ADAMDEC1: variants seen among roughly 807,000 people sequenced by gnomAD.
The protein encoded by ADAMDEC1 is ADAM like decysin 1, also known as ADAM DEC1.
A neutral mutation model predicts 60.4 loss-of-function variants in ADAMDEC1; 62 were observed. That is an observed-to-expected ratio of 1.03 (90% CI 0.84 to 1.27). ADAMDEC1 has a LOEUF of 1.27. ADAMDEC1 is among the 50% of genes most tolerant of loss of function. The pLI, the probability that ADAMDEC1 is intolerant of heterozygous loss-of-function variation, is 0.00. For missense variants in ADAMDEC1, 595 were observed against 565.0 expected, an observed-to-expected ratio of 1.05 and a Z score of -0.54; for synonymous variants, 210 against 195.1, an observed-to-expected ratio of 1.08 and a Z score of -0.64.
At chr8:24,403,102 A>G (rs1334641715) in intron 12 of ADAMDEC1, among the ~76,000 whole-genome samples, 3 of 152,118 alleles carry the variant, frequency 2.0e-5, no homozygotes, top group African/African-American at 7.2e-5. Context: ...AGAGAGGACC[A>G]TTGTATACAC....
intron 9 of ADAMDEC1, 107 bp downstream of exon 9, chr8:24,399,147 T>A: frequency 7.7e-7 from 1 of 1,305,148 alleles, no homozygotes; most frequent in Non-Finnish European, 1.0e-6. Flanking sequence ...ACTGTCAGAG[T>A]GCTTGACATT....
chr8:24,389,077 C>A (rs1261297067), intron 1 of ADAMDEC1, among the ~76,000 whole-genome samples: 1 of 152,076 alleles, frequency 6.6e-6, no homozygotes, highest in Non-Finnish European at 1.5e-5. Flanking sequence ...TGAGAAGTAC[C>A]TGCTCTTACA....
At chr8:24,390,156 G>C (rs1307593995) in intron 1 of ADAMDEC1, 13 of 931,200 alleles carry the variant, frequency 1.4e-5, no homozygotes, top group Middle Eastern at 2.5e-4. Flanking sequence ...CCTAAAGTCA[G>C]CATTCAATAA....
At chr8:24,403,603 G>C (rs749763119) in intron 12 of ADAMDEC1, among the ~76,000 whole-genome samples, 47 of 152,036 alleles carry the variant, frequency 3.1e-4, no homozygotes, top group Non-Finnish European at 5.4e-4. Flanking sequence ...TGTCTTAAAA[G>C]ACAAGTTGCC....
At chr8:24,395,964 T>C (rs1563355046) in intron 5 of ADAMDEC1, among the ~76,000 whole-genome samples, 168 bp downstream of exon 5, 1 of 152,176 alleles carries the variant, frequency 6.6e-6, no homozygotes, top group Non-Finnish European at 1.5e-5. Context: ...AATCATTTCA[T>C]AATCTGCTGC....
rs1817463390 is a variant in ADAMDEC1 at position 24,392,245 on chromosome 8, T to C, written c.89-17T>C. ...ACCTTTAAATCTTTTATGTGAATAT[T>C]ATTTCTCTTTCTCTAGCAATAGCCA... On this transcript the variant is annotated splice_polypyrimidine_tract_variant and intron_variant, in intron 1 of 13. Transcript: ENST00000256412. 1.3e-6 allele frequency: 2 copies of C among 1,548,924 alleles called. No homozygotes were observed. The highest frequency in any genetic ancestry group is 3.7e-5 in the Admixed American group (2 of 53,724).
chr8:24,397,751 T>C lies in ADAMDEC1; in HGVS notation c.690+6T>C, dbSNP rs776961427. 1.2e-6 allele frequency: 2 copies of C among 1,611,752 alleles called. No homozygotes were observed. The highest frequency in any genetic ancestry group is 1.7e-5 in the Admixed American group (1 of 59,680). On this transcript the variant is annotated splice_donor_region_variant and intron_variant, in intron 7 of 13. Transcript: ENST00000256412. ...TGGTGCTGGATAATGCCTTTGTGAG[T>C]ATGAAACACACGGCCCTCTCGGCCA... is the stretch of plus-strand genomic sequence containing the variant.
chr8:24,395,653 T>TAC (rs1274450014), intron 4 of ADAMDEC1, 67 bp from the exon 5 acceptor site: 1 of 1,042,470 alleles, frequency 9.6e-7, no homozygotes, highest in Non-Finnish European at 1.5e-6. Context: ...GTTTATACAT[T>TAC]ACACACACAC....
chr8:24,390,632 A>G (rs1303023806), intron 1 of ADAMDEC1, among the ~76,000 whole-genome samples: 2 of 152,168 alleles, frequency 1.3e-5, no homozygotes, highest in Non-Finnish European at 2.9e-5. Context: ...AGGCAGGAGA[A>G]TCGTTTGAAC....
intron 1 of ADAMDEC1, 64 bp downstream of exon 1, chr8:24,384,656 C>A: frequency 7.0e-7 from 1 of 1,424,372 alleles, no homozygotes; most frequent in Non-Finnish European, 9.6e-7. Flanking sequence ...TTTAAAGTGC[C>A]TTTTGAAAAA....
At chr8:24,390,134 A>T (rs1169130949) in intron 1 of ADAMDEC1, 1 of 673,708 alleles carries the variant, frequency 1.5e-6, no homozygotes, top group East Asian at 6.5e-5. Context: ...GACAGCCTCA[A>T]ACTGTGCGTG....
rs749478062 is a variant in ADAMDEC1 at position 24,405,322 on chromosome 8, A to G, written c.*24A>G. 1 of 1,612,292 alleles carries G rather than the reference A, an allele frequency of 6.2e-7. No individual in the cohort carries two copies. The highest frequency in any genetic ancestry group is 1.7e-5 in the Admixed American group (1 of 59,910). Reference sequence around the variant, plus strand: ...GAATCCAAAAGTCTGCTTCACTGAGATGCTACCTTGCCAGGACAAGAACCA... The same window carrying G: ...GAATCCAAAAGTCTGCTTCACTGAGGTGCTACCTTGCCAGGACAAGAACCA... On this transcript the variant is annotated 3_prime_UTR_variant, in exon 14 of 14. Transcript: ENST00000256412.
chr8:24,400,910 G>C (rs1465793711), intron 11 of ADAMDEC1, among the ~76,000 whole-genome samples: 2 of 150,970 alleles, frequency 1.3e-5, no homozygotes, highest in Non-Finnish European at 2.9e-5. Flanking sequence ...CCTCACGATA[G>C]TTTGCTCAGA....
At chr8:24,400,400 T>C in intron 11 of ADAMDEC1, 100 bp downstream of exon 11, 1 of 1,269,408 alleles carries the variant, frequency 7.9e-7, no homozygotes, top group Non-Finnish European at 1.1e-6. Flanking sequence ...ATATTAGATC[T>C]TGTGTTGTTC....
Position 24,386,978 on chromosome 8 carries a change from C to T in ADAMDEC1, c.88+2386C>T, listed in dbSNP as rs1817308809. ...CCCACAACTCATCATATTCTGTTCA[C>T]CAGAGGGGGTATTTACTGGTCTCTA... On this transcript the variant is annotated intron_variant, in intron 1 of 13. Coordinates refer to ENST00000256412, the MANE Select transcript of ADAMDEC1 (RefSeq NM_014479.3). Among the ~76,000 whole-genome samples the T allele has an allele frequency of 3.3e-5, 5 of 152,272 alleles. No homozygotes were observed. The South Asian group carries it at 1.0e-3, about 32-fold the overall frequency.
chr8:24,404,185 C>T, intron 13 of ADAMDEC1, 97 bp downstream of exon 13: 1 of 1,011,646 alleles, frequency 9.9e-7, no homozygotes, highest in South Asian at 1.6e-5. Flanking sequence ...CACTAAAACA[C>T]AATGTATTTT....
chr8:24,398,847 T>A (rs1246329188), intron 8 of ADAMDEC1, 27 bp from the exon 9 acceptor site: 3 of 1,606,110 alleles, frequency 1.9e-6, no homozygotes, highest in Non-Finnish European at 2.5e-6. Context: ...CTGAACATTT[T>A]TATGAAGATA....
chr8:24,400,448 A>G (rs1265998549), intron 11 of ADAMDEC1, 148 bp downstream of exon 11: 2 of 895,292 alleles, frequency 2.2e-6, no homozygotes, highest in African/African-American at 3.4e-5. Flanking sequence ...AATACATACT[A>G]ATCAACAGGA....
chr8:24,384,567 A>G lies in ADAMDEC1; in HGVS notation c.63A>G (p.Val21=). 1 of 1,611,120 alleles carries G rather than the reference A, an allele frequency of 6.2e-7. No individual in the cohort carries two copies. The highest frequency in any genetic ancestry group is 8.5e-7 in the Non-Finnish European group (1 of 1,178,632). The change falls in exon 1 of 14, where the codon GTA becomes GTG. Residue 21 remains valine, a synonymous_variant. Coordinates refer to ENST00000256412, the MANE Select transcript of ADAMDEC1 (RefSeq NM_014479.3). The part of the protein sequence containing the change: ...VATMSWVLLP[V]LWLIVQTQAI... ...CCATGTCTTGGGTCCTGCTGCCTGT[A>G]CTTTGGCTCATTGTTCAAACTCAAG...
Sources: allele counts gnomAD v4.1 joint callset (sites outside exome capture counted in the v4.1 genomes callset), GRCh38; gene constraint gnomAD v4.1.1; transcripts MANE v1.5; gene names NCBI Gene and HGNC (gene_info 2026-07-23, HGNC 2026-07-21).